The following TRAPPC9 variants were observed in gnomAD, a reference collection of about 807,000 sequenced individuals.
The protein encoded by TRAPPC9 is IKK2 binding protein.
In TRAPPC9, 83 loss-of-function variants were observed where a neutral mutation model predicts 124.0. That is an observed-to-expected ratio of 0.67 (90% CI 0.56 to 0.80). The LOEUF is 0.80. Among genes scored for constraint, TRAPPC9 ranks in the 30% least tolerant of loss-of-function variants. The pLI, the probability that TRAPPC9 is intolerant of heterozygous loss-of-function variation, is 0.00. For synonymous variants in TRAPPC9, 638 were observed against 617.5 expected, an observed-to-expected ratio of 1.03 and a Z score of -0.49; for missense variants, 1,302 against 1,508.3, an observed-to-expected ratio of 0.86 and a Z score of 2.27.
intron 9 of TRAPPC9, among the ~76,000 whole-genome samples, chr8:140,314,305 A>G (rs1252824023): frequency 6.6e-6 from 1 of 152,108 alleles, no homozygotes; most frequent in East Asian, 1.9e-4. Context: ...ATTGATTGTT[A>G]TCACATCCTT....
chr8:140,304,091 T>TA (rs1212817680), intron 10 of TRAPPC9, among the ~76,000 whole-genome samples: 67 of 151,570 alleles, frequency 4.4e-4, no homozygotes, highest in Non-Finnish European at 3.7e-4. Flanking sequence ...ATGCCTGACT[T>TA]AATTTTTTTT....
chr8:140,007,055 C>T (rs1023626497), intron 18 of TRAPPC9, among the ~76,000 whole-genome samples: 14 of 152,162 alleles, frequency 9.2e-5, no homozygotes, highest in African/African-American at 3.4e-4. Flanking sequence ...AGCAGGGGCG[C>T]CCAGGAATTG....
At chr8:139,927,067 A>C (rs1316781867) in intron 19 of TRAPPC9, among the ~76,000 whole-genome samples, 7 of 152,218 alleles carry the variant, frequency 4.6e-5, no homozygotes, top group Admixed American at 2.0e-4. Context: ...GAAGATGCTC[A>C]GCATCCACAG....
intron 11 of TRAPPC9, among the ~76,000 whole-genome samples, chr8:140,293,762 G>A (rs2065729833): frequency 6.6e-6 from 1 of 152,076 alleles, no homozygotes; most frequent in Non-Finnish European, 1.5e-5. Flanking sequence ...TATACCTAAT[G>A]CTAAATGACA....
chr8:139,925,747 TAA>T (rs745528003), intron 19 of TRAPPC9, among the ~76,000 whole-genome samples: 39 of 124,792 alleles, frequency 3.1e-4, no homozygotes, highest in Admixed American at 5.8e-4. Context: ...GACTCCATCT[TAA>T]AAAAAAAAAA....
intron 7 of TRAPPC9, among the ~76,000 whole-genome samples, chr8:140,383,130 C>T (rs2068657992): frequency 6.6e-6 from 1 of 152,224 alleles, no homozygotes; most frequent in Non-Finnish European, 1.5e-5. Flanking sequence ...AACTAACAAA[C>T]AGAAAGGACA....
At chr8:140,194,838 G>A (rs541951891) in intron 17 of TRAPPC9, among the ~76,000 whole-genome samples, 34 of 152,024 alleles carry the variant, frequency 2.2e-4, no homozygotes, top group African/African-American at 7.5e-4. Context: ...TCACACCTCT[G>A]ACCACTAAAA....
chr8:139,873,536 G>C (rs1045626652), intron 21 of TRAPPC9, among the ~76,000 whole-genome samples: 3 of 152,136 alleles, frequency 2.0e-5, no homozygotes, highest in Non-Finnish European at 4.4e-5. Context: ...GGAGGATCCA[G>C]GAAGCCAGGC....
Position 139,969,556 on chromosome 8 carries a change from A to G in TRAPPC9, c.2810+19170T>C, listed in dbSNP as rs34660058. On this transcript the variant is annotated intron_variant, in intron 19 of 22. Transcript: ENST00000438773. ...ACCTCACCAAGCCTGGGTCTCCTCA[A>G]TGGGCTAGCAGGAATATGACAAGGA... Among the ~76,000 whole-genome samples, 1,477 of 152,304 alleles carry G rather than the reference A, an allele frequency of 9.7e-3. 11 individuals carry two copies. The highest frequency in any genetic ancestry group is 0.015 in the Non-Finnish European group (994 of 68,018).
intron 17 of TRAPPC9, among the ~76,000 whole-genome samples, chr8:140,165,647 C>T (rs1381764257): frequency 5.3e-5 from 4 of 75,456 alleles, no homozygotes; most frequent in South Asian, 4.4e-4. Context: ...GGGGGGGATG[C>T]GGGGAAGGAG....
chr8:139,942,564 T>A (rs1833980887), intron 19 of TRAPPC9, among the ~76,000 whole-genome samples: 1 of 152,122 alleles, frequency 6.6e-6, no homozygotes, highest in Non-Finnish European at 1.5e-5. Context: ...GCGTGAAAGT[T>A]GGAAAAGTAG....
intron 21 of TRAPPC9, among the ~76,000 whole-genome samples, chr8:139,783,333 C>T (rs1036934054): frequency 5.3e-5 from 8 of 151,896 alleles, no homozygotes; most frequent in Non-Finnish European, 8.8e-5. Context: ...ATCAATATCA[C>T]GATAAAAGAG....
intron 17 of TRAPPC9, among the ~76,000 whole-genome samples, chr8:140,066,986 T>C (rs1842924562): frequency 6.6e-6 from 1 of 152,224 alleles, no homozygotes; most frequent in Non-Finnish European, 1.5e-5. Flanking sequence ...GGAAAACATC[T>C]GTAAGGACAA....
At chr8:139,857,416 C>G (rs1186786196) in intron 21 of TRAPPC9, among the ~76,000 whole-genome samples, 1 of 152,198 alleles carries the variant, frequency 6.6e-6, no homozygotes, top group Admixed American at 6.5e-5. Context: ...AACAGCAACC[C>G]AAGGCGACAG....
rs368682647 is a variant in TRAPPC9 at position 140,304,777 on chromosome 8, T to C, written c.1623-4163A>G. Among the ~76,000 whole-genome samples the C allele has an allele frequency of 4.6e-5, 7 of 152,142 alleles. No individual in the cohort carries two copies. The East Asian group carries it at 5.8e-4, about 13-fold the overall frequency. ...TGCCCAACTCCTGCCAAAAGCTCAATGGCATTCATGAAAGAGTGTGTGATG... is the reference window on the plus strand; with the variant it reads ...TGCCCAACTCCTGCCAAAAGCTCAACGGCATTCATGAAAGAGTGTGTGATG... On this transcript the variant is annotated intron_variant, in intron 10 of 22. Transcript: ENST00000438773.
At chr8:139,940,874 C>T (rs1833869887) in intron 19 of TRAPPC9, among the ~76,000 whole-genome samples, 1 of 152,196 alleles carries the variant, frequency 6.6e-6, no homozygotes. Context: ...TCCGGCAGGG[C>T]GCTGGGCCAG....
chr8:140,151,341 C>T (rs2061540330), intron 17 of TRAPPC9, among the ~76,000 whole-genome samples: 1 of 152,170 alleles, frequency 6.6e-6, no homozygotes, highest in Non-Finnish European at 1.5e-5. Context: ...GACATCCTTC[C>T]TCCCGCTCTG....
At chr8:139,989,063 G>A (rs891301340) in intron 18 of TRAPPC9, among the ~76,000 whole-genome samples, 3 of 152,158 alleles carry the variant, frequency 2.0e-5, no homozygotes, top group East Asian at 1.9e-4. Context: ...CCTTGGGCCC[G>A]GGGTCCTGGG....
intron 11 of TRAPPC9, among the ~76,000 whole-genome samples, chr8:140,294,783 G>A (rs1335623502): frequency 6.6e-6 from 1 of 151,630 alleles, no homozygotes; most frequent in Admixed American, 6.6e-5. Context: ...AAATTTGTTT[G>A]TATTTTTAGT....
Sources: allele counts gnomAD v4.1 joint callset (sites outside exome capture counted in the v4.1 genomes callset), GRCh38; gene constraint gnomAD v4.1.1; transcripts MANE v1.5; gene names NCBI Gene and HGNC (gene_info 2026-07-23, HGNC 2026-07-21).